The following RAB40B variants were observed in gnomAD, a reference collection of about 807,000 sequenced individuals.
The protein encoded by RAB40B is RAB40B, member RAS oncogene family, also known as ras-related protein Rab-40B.
RAB40B carries 21 observed loss-of-function variants against 24.0 expected under a neutral mutation model. The observed-to-expected ratio is 0.88, with a 90% CI of 0.62 to 1.26. RAB40B has a LOEUF of 1.26. Ranked by LOEUF, RAB40B falls within the 50% of genes most tolerant of loss-of-function variation. The pLI, the probability that RAB40B is intolerant of heterozygous loss-of-function variation, is 0.00. For synonymous variants in RAB40B, 167 were observed against 169.8 expected (o/e 0.98, Z 0.13); for missense variants, 348 against 390.5 (o/e 0.89, Z 0.92).
intron 1 of RAB40B, among the ~76,000 whole-genome samples, chr17:82,665,393 C>T (rs561843066): frequency 2.6e-5 from 4 of 152,074 alleles, no homozygotes; most frequent in Admixed American, 6.5e-5. Context: ...GCCGGGACTA[C>T]GGGCATGTGC....
chr17:82,671,537 C>G (rs1202094262), intron 1 of RAB40B, among the ~76,000 whole-genome samples: 9 of 143,600 alleles, frequency 6.3e-5, no homozygotes, highest in South Asian at 2.2e-4. Flanking sequence ...AACACACACA[C>G]TCACACGCTC....
Position 82,658,727 on chromosome 17 carries a change from GAA to G in RAB40B, c.343-16_343-15del. 1 of 1,600,732 alleles carries G rather than the reference GAA, an allele frequency of 6.2e-7. No homozygotes were observed. ...TCCGGGGGCATGCTAGCGGGCAGGA[GAA>G]AGGCGAGGAGCATGGGTTACTTCAG... is the stretch of plus-strand genomic sequence containing the variant. On this transcript the variant is annotated splice_polypyrimidine_tract_variant and intron_variant, in intron 4 of 5. Transcript: ENST00000571995.
intron 1 of RAB40B, among the ~76,000 whole-genome samples, chr17:82,665,621 C>T (rs556254084): frequency 6.6e-6 from 1 of 152,240 alleles, no homozygotes; most frequent in South Asian, 2.1e-4. Context: ...CATCCCAGCA[C>T]TTTGGGAGGC....
intron 1 of RAB40B, among the ~76,000 whole-genome samples, chr17:82,682,089 C>A (rs1300781952): frequency 6.7e-6 from 1 of 149,594 alleles, no homozygotes; most frequent in African/African-American, 2.5e-5. Flanking sequence ...TCTCGATTAC[C>A]AGATGACATT....
rs1314332170 is a variant in RAB40B, at chr17:82,655,247, C to G, written c.*2616G>C. The G allele has an allele frequency of 6.6e-6, 1 of 152,084 alleles. No homozygotes were observed. The highest frequency in any genetic ancestry group is 6.6e-5 in the Admixed American group (1 of 15,256). The allele number at this position is 152,084 out of a possible 1,614,324, so 9.4% of individuals were successfully genotyped here. ...CCAATAACTTGGCAGGGCTGTGCTCCCTCTGGGAGATCTCGGGGAGCCTCC... is the reference window on the plus strand; with the variant it reads ...CCAATAACTTGGCAGGGCTGTGCTCGCTCTGGGAGATCTCGGGGAGCCTCC... On this transcript the variant is annotated 3_prime_UTR_variant, in exon 6 of 6. Coordinates refer to ENST00000571995, the MANE Select transcript of RAB40B (RefSeq NM_006822.3).
intron 3 of RAB40B, among the ~76,000 whole-genome samples, chr17:82,660,666 G>T (rs970392702): frequency 1.5e-5 from 2 of 137,256 alleles, no homozygotes; most frequent in East Asian, 4.4e-4. Flanking sequence ...TATGCACAGT[G>T]CACGTACCTG....
At chr17:82,668,513 G>A (rs934604346) in intron 1 of RAB40B, among the ~76,000 whole-genome samples, 1 of 152,254 alleles carries the variant, frequency 6.6e-6, no homozygotes, top group Non-Finnish European at 1.5e-5. Flanking sequence ...CCCTCCCTCA[G>A]CTTCCCTCCC....
chr17:82,680,420 C>T (rs2046438204), intron 1 of RAB40B, among the ~76,000 whole-genome samples: 1 of 152,204 alleles, frequency 6.6e-6, no homozygotes, highest in Non-Finnish European at 1.5e-5. Context: ...CTTCTCAACT[C>T]AAAGTCCTGG....
intron 2 of RAB40B, among the ~76,000 whole-genome samples, chr17:82,661,608 C>T (rs191666638): frequency 6.6e-6 from 1 of 152,034 alleles, no homozygotes; most frequent in Non-Finnish European, 1.5e-5. Flanking sequence ...AATGAAAGGC[C>T]GGGCTTGGCG....
intron 4 of RAB40B, 163 bp downstream of exon 4, chr17:82,659,417 T>C (rs1304719726): frequency 7.9e-6 from 5 of 636,078 alleles, no homozygotes; most frequent in East Asian, 5.5e-5. Flanking sequence ...CTATCCAGTG[T>C]TGTGCCGAGG....
intron 2 of RAB40B, 87 bp downstream of exon 2, chr17:82,664,409 G>C: frequency 1.5e-6 from 2 of 1,350,220 alleles, no homozygotes; most frequent in Non-Finnish European, 2.1e-6. Flanking sequence ...GGTGCTCCCC[G>C]GGGCACTGTG....
rs1450498261 is a variant in RAB40B at position 82,692,884 on chromosome 17, A to T, written c.142+5571T>A. ...GTGGCTATCCAGGATCACACAGCCG[A>T]CAAAGGACTCACAGCCAGAATCTAT... On this transcript the variant is annotated intron_variant, in intron 1 of 5. Coordinates refer to ENST00000571995, the MANE Select transcript of RAB40B (RefSeq NM_006822.3). This position sits in a 1 kb window ranked among gnomAD's most constrained non-coding sequence, Gnocchi z 4.0. Among the ~76,000 whole-genome samples, 1 of 152,236 alleles carries T rather than the reference A, an allele frequency of 6.6e-6. No individual in the cohort carries two copies. The highest frequency in any genetic ancestry group is 2.4e-5 in the African/African-American group (1 of 41,456).
At position 82,663,527 on chromosome 17, in the gene RAB40B, G is replaced by C. The variant is rs1053809143; in HGVS notation, c.203+969C>G. On this transcript the variant is annotated intron_variant, in intron 2 of 5. Coordinates refer to ENST00000571995, the MANE Select transcript of RAB40B (RefSeq NM_006822.3). This position sits in a 1 kb window ranked among gnomAD's most constrained non-coding sequence, Gnocchi z 6.2. ...GTTCCAAGCTGGCCCCAAGGTGGGGGTGCTGGGGGAGGGAGAGGTGCCCCG... is the reference window on the plus strand; with the variant it reads ...GTTCCAAGCTGGCCCCAAGGTGGGGCTGCTGGGGGAGGGAGAGGTGCCCCG... 5.3e-5 allele frequency among the ~76,000 whole-genome samples: 8 copies of C among 152,136 alleles called. No individual in the cohort carries two copies. The highest frequency in any genetic ancestry group is 1.2e-4 in the Non-Finnish European group (8 of 68,002).
chr17:82,672,377 C>A (rs201933331), intron 1 of RAB40B, among the ~76,000 whole-genome samples: 31 of 151,000 alleles, frequency 2.1e-4, no homozygotes, highest in East Asian at 5.8e-4. Flanking sequence ...TGACACACCT[C>A]ACCCCTGTAA....
rs563399779 is a variant in RAB40B, at chr17:82,673,775, C to T, written c.143-9219G>A. 2.6e-5 allele frequency among the ~76,000 whole-genome samples: 4 copies of T among 152,272 alleles called. No individual in the cohort carries two copies. In the East Asian group the frequency reaches 7.7e-4, roughly 29 times the overall value. ...GGGATCTTCGTGGCCAGGCTGACCACTCCATGGGCCTTTCAATCTGGAGAC... is the reference window on the plus strand; with the variant it reads ...GGGATCTTCGTGGCCAGGCTGACCATTCCATGGGCCTTTCAATCTGGAGAC... On this transcript the variant is annotated intron_variant, in intron 1 of 5. Transcript: ENST00000571995.
intron 1 of RAB40B, 84 bp downstream of exon 1, chr17:82,698,371 A>AC: frequency 3.6e-5 from 3 of 82,368 alleles, no homozygotes; most frequent in Non-Finnish European, 6.6e-5. Context: ...CCGGACCCGG[A>AC]CCCCCACCCG....
In RAB40B at chr17:82,692,528, C is replaced by G. The variant is rs1005832927; in HGVS notation, c.142+5927G>C. ...CACACACAAGAGACAGGCGGGCCAA[C>G]GGTGCAGACCCAGACCCACAGGCGG... is the stretch of plus-strand genomic sequence containing the variant. On this transcript the variant is annotated intron_variant, in intron 1 of 5. Coordinates refer to ENST00000571995, the MANE Select transcript of RAB40B (RefSeq NM_006822.3). The surrounding 1 kb of genome is among the most constrained non-coding windows in gnomAD (Gnocchi z 4.0). Among the ~76,000 whole-genome samples, 2 of 151,454 alleles carry G rather than the reference C, an allele frequency of 1.3e-5. No individual in the cohort carries two copies. Among genetic ancestry groups the G allele is most frequent in the South Asian group, 4.2e-4 (2 of 4,796 alleles).
rs2046299077 is a variant in RAB40B, at chr17:82,669,037, CT to C, written c.143-4482del. 3.9e-5 allele frequency among the ~76,000 whole-genome samples: 6 copies of C among 152,344 alleles called. 1 individual carries two copies. The South Asian group carries it at 1.2e-3, about 32-fold the overall frequency. Reference sequence around the variant, plus strand: ...CCAAGTGAGTATCAAGGAAACAGTCCTTTTACAGAAAGGAAAATAGCCAGGC... The same window carrying C: ...CCAAGTGAGTATCAAGGAAACAGTCCTTTACAGAAAGGAAAATAGCCAGGC... On this transcript the variant is annotated intron_variant, in intron 1 of 5. Transcript: ENST00000571995.
In RAB40B at chr17:82,655,077, T is replaced by G. The variant is rs543937243; in HGVS notation, c.*2786A>C. 1 of 152,372 alleles carries G rather than the reference T, an allele frequency of 6.6e-6. No individual in the cohort carries two copies. The highest frequency in any genetic ancestry group is 1.5e-5 in the Non-Finnish European group (1 of 68,046). 9.4% of individuals were successfully genotyped at this position (152,372 alleles called of 1,614,324 possible). A position where few individuals can be genotyped will look rare whatever the true frequency, so the allele number is the denominator to read the frequency against. ...GGTTTCGTCTGTTTTTGTTCTGCCT[T>G]GGTTTGCTGTAGCACTTTCTGCCGT... On this transcript the variant is annotated 3_prime_UTR_variant, in exon 6 of 6. Transcript: ENST00000571995.
Sources: gnomAD v4.1 joint callset for allele counts (sites outside exome capture counted in the v4.1 genomes callset) on GRCh38, gnomAD v4.1.1 for gene constraint, Gnocchi (gnomAD v3.1) non-coding constraint, MANE v1.5 for transcripts, NCBI Gene and HGNC (gene_info 2026-07-23, HGNC 2026-07-21) for gene names.